The following CFAP418 variants were observed in gnomAD, a reference collection of about 807,000 sequenced individuals.
The protein encoded by CFAP418 is cilia- and flagella-associated protein 418.
Under a neutral mutation model 24.7 loss-of-function variants are expected in CFAP418, and 27 were observed. That is an observed-to-expected ratio of 1.09 (90% confidence interval 0.81 to 1.51). The LOEUF (loss-of-function observed/expected upper bound fraction) is 1.51, where lower values mean the gene tolerates loss of function less well. Among genes scored for constraint, CFAP418 ranks in the 40% most tolerant of loss-of-function variants. The probability of loss-of-function intolerance (pLI) is 0.00; values close to 1 mark genes in which losing one functional copy is unlikely to be tolerated. For missense variants in CFAP418, 257 were observed against 255.2 expected (o/e 1.01, Z -0.05); for synonymous variants, 74 against 87.3 (o/e 0.85, Z 0.85).
intron 3 of CFAP418, 121 bp downstream of exon 3, chr8:95,260,347 G>A (rs1322077128): frequency 8.5e-6 from 6 of 702,158 alleles, no homozygotes; most frequent in Non-Finnish European, 1.4e-5. Flanking sequence ...TTCTCCTGAA[G>A]GCCAACCAAT....
At position 95,247,749 on chromosome 8, in the gene CFAP418, G is replaced by T. The variant is rs1336276333; in HGVS notation, c.492C>A (p.His164Gln). Residue 164 changes from histidine (H) to glutamine (Q), a missense_variant, in exon 6 of 6, where the codon CAC (histidine) becomes CAA (glutamine). By Grantham distance (24) the His-to-Gln change is conservative (BLOSUM62 0). Transcript: ENST00000286688. The part of the protein sequence containing the change: ...LFFRNNMPEF[H>Q]KLKAKLIKKK... ...TCTTTATCAACTTTGCTTTTAATTTGTGAAATTCTGGCATGTTGTTCCTAT... is the reference window on the plus strand; with the variant it reads ...TCTTTATCAACTTTGCTTTTAATTTTTGAAATTCTGGCATGTTGTTCCTAT... The T allele has an allele frequency of 6.2e-7, 1 of 1,609,488 alleles. No homozygotes were observed.
intron 1 of CFAP418, among the ~76,000 whole-genome samples, chr8:95,265,162 G>A (rs1811956924): frequency 6.6e-6 from 1 of 151,924 alleles, no homozygotes; most frequent in Non-Finnish European, 1.5e-5. Context: ...GTATATTGCA[G>A]GACATTTTAC....
At chr8:95,252,640 C>T (rs751981435) in intron 4 of CFAP418, among the ~76,000 whole-genome samples, 2 of 152,180 alleles carry the variant, frequency 1.3e-5, no homozygotes, top group Non-Finnish European at 2.9e-5. Context: ...TGCTCCCCTT[C>T]CTACTGAAAT....
intron 1 of CFAP418, 182 bp downstream of exon 1, chr8:95,268,853 A>T (rs1812075781): frequency 1.6e-6 from 1 of 643,134 alleles, no homozygotes; most frequent in African/African-American, 1.8e-5. Flanking sequence ...AGGTGCCAGA[A>T]TCCGCGAAGA....
Position 95,252,325 on chromosome 8 carries a change from T to C in CFAP418, c.375-42A>G, listed in dbSNP as rs73266472. The C allele has an allele frequency of 1.5e-3, 1,979 of 1,282,330 alleles. 30 individuals are homozygous for C. In the African/African-American group the frequency reaches 0.026, roughly 17 times the overall value. 79.4% of individuals were successfully genotyped at this position (1,282,330 alleles called of 1,614,324 possible). The stretch of plus-strand genomic sequence containing the variant: ...AATTGTATATTAAAGATTATTGGTA[T>C]CTTTAAATACCAATGAAAACATGGT... On this transcript the variant is annotated intron_variant, in intron 4 of 5. Coordinates refer to ENST00000286688, the MANE Select transcript of CFAP418 (RefSeq NM_177965.4).
chr8:95,268,356 T>TA (rs1262743659), intron 1 of CFAP418, among the ~76,000 whole-genome samples: 1 of 151,954 alleles, frequency 6.6e-6, no homozygotes, highest in African/African-American at 2.4e-5. Flanking sequence ...CTCGTGCCTG[T>TA]AATCCCAGCT....
chr8:95,247,490 G>GT lies in CFAP418; in HGVS notation c.*126dup. On this transcript the variant is annotated 3_prime_UTR_variant, in exon 6 of 6. Coordinates refer to ENST00000286688, the MANE Select transcript of CFAP418 (RefSeq NM_177965.4). ...TTGGTCTTCAAAAATGTATGTAGTT[G>GT]TATCAATAAAATTCACTGCCTTTTC... The GT allele has an allele frequency of 9.7e-7, 1 of 1,032,074 alleles. No individual in the cohort carries two copies. The highest frequency in any genetic ancestry group is 1.5e-5 in the South Asian group (1 of 66,964). The allele number at this position is 1,032,074 out of a possible 1,614,324, so 63.9% of individuals were successfully genotyped here.
chr8:95,257,438 T>C (rs887554864), intron 4 of CFAP418, among the ~76,000 whole-genome samples: 3 of 152,226 alleles, frequency 2.0e-5, no homozygotes, highest in African/African-American at 4.8e-5. Context: ...TTCACTTTTG[T>C]CCTATAGCCC....
Position 95,268,996 on chromosome 8 carries a change from G to A in CFAP418, c.155+39C>T, listed in dbSNP as rs765815534. The A allele has an allele frequency of 8.1e-6, 13 of 1,600,688 alleles. No individual in the cohort carries two copies. In the Admixed American group the frequency reaches 2.2e-4, roughly 27 times the overall value. ...GGGGCAGCTCTAGGGCCTGGAGCAGGGCTTTACCAGAACAGTCCACCCCTC... is the reference window on the plus strand; with the variant it reads ...GGGGCAGCTCTAGGGCCTGGAGCAGAGCTTTACCAGAACAGTCCACCCCTC... On this transcript the variant is annotated intron_variant, in intron 1 of 5. Transcript: ENST00000286688.
chr8:95,247,603 T>G lies in CFAP418; in HGVS notation c.*14A>C. The G allele has an allele frequency of 6.2e-7, 1 of 1,614,070 alleles. No homozygotes were observed. Among genetic ancestry groups the G allele is most frequent in the Non-Finnish European group, 8.5e-7 (1 of 1,179,968 alleles). ...TCTCATGGATGCATCTGTCCGAATGTGCAGTCTGCATTCTTAATGTTTACC... is the reference window on the plus strand; with the variant it reads ...TCTCATGGATGCATCTGTCCGAATGGGCAGTCTGCATTCTTAATGTTTACC... On this transcript the variant is annotated 3_prime_UTR_variant, in exon 6 of 6. Transcript: ENST00000286688.
intron 2 of CFAP418, among the ~76,000 whole-genome samples, chr8:95,262,659 C>T (rs118045721): frequency 6.6e-6 from 1 of 152,112 alleles, no homozygotes; most frequent in Admixed American, 6.6e-5. Context: ...GATAAAGTCA[C>T]TTTGGAAAAC....
Position 95,260,483 on chromosome 8 carries a change from T to C in CFAP418, c.293A>G (p.Glu98Gly). 2 of 1,589,372 alleles carry C rather than the reference T, an allele frequency of 1.3e-6. No homozygotes were observed. Among genetic ancestry groups the C allele is most frequent in the Non-Finnish European group, 1.7e-6 (2 of 1,172,426 alleles). The change falls in exon 3 of 6, where the codon GAA (glutamate) becomes GGA (glycine). Residue 98 changes from glutamate to glycine, a missense_variant. By Grantham distance (98) the Glu-to-Gly change is moderately conservative. Coordinates refer to ENST00000286688, the MANE Select transcript of CFAP418 (RefSeq NM_177965.4). ...SGNTSVRASI[E>G]GLGKSCSPVY... is the part of the protein sequence containing the mutation. ...CTCAACTTACCTTTTACCAAGGCCTTCAATGGAAGCTCTGACAGATGTGTT... is the reference window on the plus strand; with the variant it reads ...CTCAACTTACCTTTTACCAAGGCCTCCAATGGAAGCTCTGACAGATGTGTT...
At chr8:95,253,113 T>C (rs1352228774) in intron 4 of CFAP418, among the ~76,000 whole-genome samples, 1 of 152,036 alleles carries the variant, frequency 6.6e-6, no homozygotes, top group South Asian at 2.1e-4. Context: ...ATCGAGACCA[T>C]CCTGGCTAAC....
intron 5 of CFAP418, among the ~76,000 whole-genome samples, chr8:95,250,900 T>G (rs1811695681): frequency 6.6e-6 from 1 of 152,216 alleles, no homozygotes; most frequent in African/African-American, 2.4e-5. Flanking sequence ...TAGGGTATAC[T>G]CATAGATTTA....
At chr8:95,261,872 A>G (rs952512103) in intron 2 of CFAP418, among the ~76,000 whole-genome samples, 3 of 152,236 alleles carry the variant, frequency 2.0e-5, no homozygotes, top group African/African-American at 7.2e-5. Flanking sequence ...CTTAATAAAC[A>G]ATGAATTGCT....
intron 2 of CFAP418, 36 bp downstream of exon 2, chr8:95,263,651 G>T: frequency 1.6e-6 from 2 of 1,286,156 alleles, no homozygotes; most frequent in South Asian, 1.2e-5. Flanking sequence ...TTGAAATAAT[G>T]ACAGAATTAC....
intron 4 of CFAP418, among the ~76,000 whole-genome samples, chr8:95,257,362 C>A (rs1479692823): frequency 6.6e-6 from 1 of 152,136 alleles, no homozygotes; most frequent in Non-Finnish European, 1.5e-5. Flanking sequence ...GGTAACATTC[C>A]AGTGGATTTA....
At chr8:95,261,396 C>T (rs1053520261) in intron 2 of CFAP418, among the ~76,000 whole-genome samples, 2 of 152,042 alleles carry the variant, frequency 1.3e-5, no homozygotes, top group African/African-American at 2.4e-5. Context: ...GTTTCATGTG[C>T]CATCCAGACT....
chr8:95,247,321 G>T lies in CFAP418; in HGVS notation c.*296C>A. 1 of 336,822 alleles carries T rather than the reference G, an allele frequency of 3.0e-6. No individual in the cohort carries two copies. Among genetic ancestry groups the T allele is most frequent in the Non-Finnish European group, 5.5e-6 (1 of 182,964 alleles). The allele number at this position is 336,822 out of a possible 1,614,324, so 20.9% of individuals were successfully genotyped here. Reference sequence around the variant, plus strand: ...TATTGCAGTTGCTAATGAAAAACTAGATATTTGTATGGAACTCCATAATCA... The same window carrying T: ...TATTGCAGTTGCTAATGAAAAACTATATATTTGTATGGAACTCCATAATCA... On this transcript the variant is annotated 3_prime_UTR_variant, in exon 6 of 6. Transcript: ENST00000286688.
Sources: allele counts gnomAD v4.1 joint callset (sites outside exome capture counted in the v4.1 genomes callset), GRCh38; gene constraint gnomAD v4.1.1; transcripts MANE v1.5; gene names NCBI Gene and HGNC (gene_info 2026-07-23, HGNC 2026-07-21).